The following TNFSF15 variants were observed in gnomAD, a reference collection of about 807,000 sequenced individuals.
TNFSF15 encodes TNF superfamily member 15, also known as tumor necrosis factor ligand superfamily member 15.
TNFSF15 carries 15 observed loss-of-function variants against 26.4 expected under a neutral mutation model. That is an observed-to-expected ratio of 0.57 (90% CI 0.38 to 0.87). The LOEUF (loss-of-function observed/expected upper bound fraction) is 0.87. TNFSF15 is among the 40% of genes least tolerant of loss of function. The pLI, the probability that TNFSF15 is intolerant of heterozygous loss-of-function variation, is 0.00. For missense variants in TNFSF15, 290 were observed against 306.1 expected (o/e 0.95, Z 0.39); for synonymous variants, 116 against 115.0 (o/e 1.01, Z -0.06).
At chr9:114,790,992 G>T in intron 3 of TNFSF15, 86 bp from the exon 4 acceptor site, 1 of 1,356,316 alleles carries the variant, frequency 7.4e-7, no homozygotes, top group Non-Finnish European at 1.0e-6. Flanking sequence ...TTTCAAAATA[G>T]ACTAAAGTGA....
chr9:114,795,387 A>G (rs1829661585), intron 1 of TNFSF15, among the ~76,000 whole-genome samples: 1 of 152,184 alleles, frequency 6.6e-6, no homozygotes, highest in African/African-American at 2.4e-5. Context: ...TGATTTCCAT[A>G]TCTGCAGATT....
At chr9:114,804,492 G>C (rs1246570915) in intron 1 of TNFSF15, among the ~76,000 whole-genome samples, 1 of 152,182 alleles carries the variant, frequency 6.6e-6, no homozygotes. Flanking sequence ...TCAGACCCCA[G>C]TGCAGGTTTC....
intron 1 of TNFSF15, among the ~76,000 whole-genome samples, chr9:114,800,101 A>C (rs1234085328): frequency 6.6e-6 from 1 of 151,434 alleles, no homozygotes; most frequent in African/African-American, 2.4e-5. Flanking sequence ...AACTTGAGTG[A>C]GATAAGAGGG....
chr9:114,790,320 C>T lies in TNFSF15; in HGVS notation c.*132G>A. 1.1e-6 allele frequency: 1 copy of T among 910,956 alleles called. No individual in the cohort carries two copies. Among genetic ancestry groups the T allele is most frequent in the South Asian group, 1.8e-5 (1 of 56,998 alleles). The allele number at this position is 910,956 out of a possible 1,614,324, so 56.4% of individuals were successfully genotyped here. A position where few individuals can be genotyped will look rare whatever the true frequency, so the allele number is the denominator to read the frequency against. ...AAATTTTGGGCCCCAAATTTCATAG[C>T]TAAACCGTTGTCCCTGTGGAATGCC... On this transcript the variant is annotated 3_prime_UTR_variant, in exon 4 of 4. Transcript: ENST00000374045.
rs1037021109 is a variant in TNFSF15, at chr9:114,802,085, C to T, written c.210+3718G>A. ...ACTTGTGTGCAATGGGTTGTATTTGCTTGGCTGCATAAGAGGGTGAGATAT... is the reference window on the plus strand; with the variant it reads ...ACTTGTGTGCAATGGGTTGTATTTGTTTGGCTGCATAAGAGGGTGAGATAT... On this transcript the variant is annotated intron_variant, in intron 1 of 3. Transcript: ENST00000374045. 2.0e-4 allele frequency among the ~76,000 whole-genome samples: 30 copies of T among 152,082 alleles called. 1 individual carries two copies. The highest frequency in any genetic ancestry group is 1.3e-4 in the Admixed American group (2 of 15,268).
chr9:114,790,633 G>T lies in TNFSF15; in HGVS notation c.575C>A (p.Thr192Asn). The T allele has an allele frequency of 5.6e-6, 9 of 1,614,076 alleles. No homozygotes were observed. The highest frequency in any genetic ancestry group is 7.6e-6 in the Non-Finnish European group (9 of 1,180,008). The change falls in exon 4 of 4, where the codon ACC becomes AAC. Residue 192 changes from threonine (T) to asparagine (N), a missense_variant. Transcript: ENST00000374045. ...AGACTTGGTCCCCATGAGGAGCTGG[G>T]TTGGCTCAGGGTAGCTGTCTGTTAC... Reference protein sequence around the residue: ...TKVTDSYPEPTQLLMGTKSVC... With the variant: ...TKVTDSYPEPNQLLMGTKSVC...
At chr9:114,804,592 T>C (rs917452975) in intron 1 of TNFSF15, among the ~76,000 whole-genome samples, 136 of 152,296 alleles carry the variant, frequency 8.9e-4, no homozygotes, top group African/African-American at 3.2e-3. Context: ...GGCGCTGCAG[T>C]TTGACTTCCA....
rs181067163 is a variant in TNFSF15, at chr9:114,793,468, A to G, written c.253+58T>C. On this transcript the variant is annotated intron_variant, in intron 2 of 3. Coordinates refer to ENST00000374045, the MANE Select transcript of TNFSF15 (RefSeq NM_005118.4). ...CATCTCTGAACTTCCTGCATACAGA[A>G]CTACTAGAAATGTTCTTATTCCCCA... 5.7e-5 allele frequency: 90 copies of G among 1,583,860 alleles called. No individual in the cohort carries two copies. The African/African-American group carries it at 9.4e-4, about 17-fold the overall frequency.
intron 1 of TNFSF15, among the ~76,000 whole-genome samples, chr9:114,795,273 T>A (rs1829659644): frequency 6.6e-6 from 1 of 152,256 alleles, no homozygotes; most frequent in Non-Finnish European, 1.5e-5. Context: ...TTGGTTCTTG[T>A]TGCTACACAG....
intron 1 of TNFSF15, among the ~76,000 whole-genome samples, chr9:114,800,535 C>T (rs1247248786): frequency 1.3e-5 from 2 of 152,138 alleles, no homozygotes; most frequent in East Asian, 1.9e-4. Flanking sequence ...GATTTAAATC[C>T]GTGTCACAGT....
chr9:114,796,428 T>C (rs1829673151), intron 1 of TNFSF15, among the ~76,000 whole-genome samples: 1 of 152,236 alleles, frequency 6.6e-6, no homozygotes, highest in Non-Finnish European at 1.5e-5. Flanking sequence ...AGTCTCGCTA[T>C]CCATTATTTA....
Position 114,787,042 on chromosome 9 carries a change from T to C in TNFSF15, c.*3410A>G, listed in dbSNP as rs1397878654. On this transcript the variant is annotated 3_prime_UTR_variant, in exon 4 of 4. Coordinates refer to ENST00000374045, the MANE Select transcript of TNFSF15 (RefSeq NM_005118.4). ...TGCATTTTGATCATGGTCTCTGTAT[T>C]TGCTGAGGAACACAGATTTTCAAAG... 2.6e-5 allele frequency: 4 copies of C among 152,214 alleles called. No homozygotes were observed. Among genetic ancestry groups the C allele is most frequent in the Non-Finnish European group, 4.4e-5 (3 of 68,052 alleles). 9.4% of individuals were successfully genotyped at this position (152,214 alleles called of 1,614,324 possible).
At position 114,790,644 on chromosome 9, in the gene TNFSF15, G is replaced by A. The variant is rs764624230; in HGVS notation, c.564C>T (p.Tyr188=). 6.2e-7 allele frequency: 1 copy of A among 1,614,064 alleles called. No homozygotes were observed. The highest frequency in any genetic ancestry group is 8.5e-7 in the Non-Finnish European group (1 of 1,179,994). The part of the protein sequence containing the change: ...TVVITKVTDS[Y]PEPTQLLMGT... ...CCATGAGGAGCTGGGTTGGCTCAGGGTAGCTGTCTGTTACCTTGGTGATGA... is the reference window on the plus strand; with the variant it reads ...CCATGAGGAGCTGGGTTGGCTCAGGATAGCTGTCTGTTACCTTGGTGATGA... The change falls in exon 4 of 4, where the codon TAC becomes TAT. Residue 188 remains tyrosine (Y), a synonymous_variant. Coordinates refer to ENST00000374045, the MANE Select transcript of TNFSF15 (RefSeq NM_005118.4).
In TNFSF15 at chr9:114,794,111, C is replaced by T. The variant is rs192005301; in HGVS notation, c.211-543G>A. Among the ~76,000 whole-genome samples, 6 of 152,294 alleles carry T rather than the reference C, an allele frequency of 3.9e-5. No individual in the cohort carries two copies. In the East Asian group the frequency reaches 1.2e-3, roughly 29 times the overall value. On this transcript the variant is annotated intron_variant, in intron 1 of 3. Coordinates refer to ENST00000374045, the MANE Select transcript of TNFSF15 (RefSeq NM_005118.4). ...CCACATGATGGTGGAAGAGTAACTGCCTTAGAGGCAGACAGATCTGAATTT... is the reference window on the plus strand; with the variant it reads ...CCACATGATGGTGGAAGAGTAACTGTCTTAGAGGCAGACAGATCTGAATTT...
chr9:114,793,350 A>G (rs1000105084), intron 2 of TNFSF15, among the ~76,000 whole-genome samples, 176 bp downstream of exon 2: 2 of 152,196 alleles, frequency 1.3e-5, no homozygotes, highest in African/African-American at 4.8e-5. Context: ...GCACTTTGAC[A>G]TGGTGCCATT....
chr9:114,796,226 C>A (rs1829670769), intron 1 of TNFSF15, among the ~76,000 whole-genome samples: 1 of 152,212 alleles, frequency 6.6e-6, no homozygotes, highest in Non-Finnish European at 1.5e-5. Context: ...TCATCAGCCC[C>A]TGGCAGGGTC....
rs1016052205 is a variant in TNFSF15, at chr9:114,792,222, TGTACACACACACAC to T, written c.301+171_301+184del. Reference sequence around the variant, plus strand: ...GTGTGTGTGTGTATATACATATGTGTGTACACACACACACACACACACACACACACACACACACA... The same window carrying T: ...GTGTGTGTGTGTATATACATATGTGTACACACACACACACACACACACACA... On this transcript the variant is annotated intron_variant, in intron 3 of 3. Transcript: ENST00000374045. 8 of 602,796 alleles carry T rather than the reference TGTACACACACACAC, an allele frequency of 1.3e-5. No individual in the cohort carries two copies. In the African/African-American group the frequency reaches 1.5e-4, roughly 11 times the overall value. The allele number at this position is 602,796 out of a possible 1,614,324, so 37.3% of individuals were successfully genotyped here. A position where few individuals can be genotyped will look rare whatever the true frequency, so the allele number is the denominator to read the frequency against.
intron 1 of TNFSF15, among the ~76,000 whole-genome samples, chr9:114,800,016 T>C (rs1325687897): frequency 6.6e-6 from 1 of 152,150 alleles, no homozygotes; most frequent in African/African-American, 2.4e-5. Flanking sequence ...AGTACTTTTA[T>C]CTCAACTATC....
intron 2 of TNFSF15, among the ~76,000 whole-genome samples, chr9:114,793,163 T>C (rs907892579): frequency 6.6e-6 from 1 of 152,262 alleles, no homozygotes; most frequent in African/African-American, 2.4e-5. Context: ...TTCTAACTCC[T>C]TTATAGGAAT....
Sources: gnomAD v4.1 joint callset for allele counts (sites outside exome capture counted in the v4.1 genomes callset) on GRCh38, gnomAD v4.1.1 for gene constraint, MANE v1.5 for transcripts, NCBI Gene and HGNC (gene_info 2026-07-23, HGNC 2026-07-21) for gene names.